Variants in EYS observed in about 807,000 individuals in gnomAD.
EYS encodes the protein EGF-like photoreceptor maintenance factor.
Under a neutral mutation model 282.1 loss-of-function variants are expected in EYS, and 250 were observed. The observed-to-expected ratio is 0.89, with a 90% confidence interval of 0.80 to 0.98. EYS has a LOEUF of 0.98. EYS is among the 50% of genes least tolerant of loss of function. The pLI, the probability that EYS is intolerant of heterozygous loss-of-function variation, is 0.00. For missense variants in EYS, 4,016 were observed against 3,709.0 expected (o/e 1.08, Z -2.15); for synonymous variants, 1,355 against 1,282.9 (o/e 1.06, Z -1.20).
chr6:64,819,699 G>T (rs1423549206), intron 21 of EYS, among the ~76,000 whole-genome samples: 1 of 151,812 alleles, frequency 6.6e-6, no homozygotes, highest in Non-Finnish European at 1.5e-5. Context: ...TCTTTGGAGA[G>T]CAGCAAAGCC....
intron 12 of EYS, among the ~76,000 whole-genome samples, chr6:65,248,787 T>C (rs1233453456): frequency 6.6e-6 from 1 of 152,046 alleles, no homozygotes; most frequent in Non-Finnish European, 1.5e-5. Flanking sequence ...AACTTCCATT[T>C]ATATGCATAT....
chr6:65,172,151 T>C (rs1765119486), intron 12 of EYS, among the ~76,000 whole-genome samples: 1 of 151,066 alleles, frequency 6.6e-6, no homozygotes, highest in South Asian at 2.1e-4. Flanking sequence ...ATATCACAAT[T>C]AAGTTGATAA....
At chr6:64,831,713 A>G (rs1765222598) in intron 19 of EYS, among the ~76,000 whole-genome samples, 1 of 151,988 alleles carries the variant, frequency 6.6e-6, no homozygotes, top group South Asian at 2.1e-4. Flanking sequence ...CTTTGTTACC[A>G]CAAGAATGCG....
At chr6:64,219,924 T>C (rs1009137178) in intron 31 of EYS, among the ~76,000 whole-genome samples, 2 of 152,004 alleles carry the variant, frequency 1.3e-5, no homozygotes, top group African/African-American at 4.8e-5. Flanking sequence ...AGCAAACTAC[T>C]GCAAGCACAA....
At chr6:65,255,193 A>T (rs1054999415) in intron 12 of EYS, among the ~76,000 whole-genome samples, 7 of 151,952 alleles carry the variant, frequency 4.6e-5, no homozygotes, top group African/African-American at 1.7e-4. Flanking sequence ...AGACCAATGG[A>T]ATAGAATAGA....
intron 41 of EYS, among the ~76,000 whole-genome samples, chr6:63,752,855 G>A (rs1769374350): frequency 6.6e-6 from 1 of 151,858 alleles, no homozygotes; most frequent in Admixed American, 6.6e-5. Context: ...TCAGTACCAG[G>A]ACGTAGTGCT....
rs778777050 is a variant in EYS, at chr6:64,205,844, C to CACAT, written c.6424+24747_6424+24748insATGT. On this transcript the variant is annotated intron_variant, in intron 31 of 42. Transcript: ENST00000503581. ...ACACACACACACACACACACACACACATATATATATATAGAGAGAGAGAGA... is the reference window on the plus strand; with the variant it reads ...ACACACACACACACACACACACACACACATATATATATATATAGAGAGAGAGAGA... Among the ~76,000 whole-genome samples the CACAT allele has an allele frequency of 9.4e-3, 1,307 of 138,372 alleles. 17 individuals are homozygous for CACAT. Among genetic ancestry groups the CACAT allele is most frequent in the African/African-American group, 0.03 (1,114 of 37,544 alleles). The allele number at this position is 138,372 out of a possible 152,430, so 90.8% of individuals were successfully genotyped here.
chr6:65,684,438 A>C (rs1392533989), intron 1 of EYS, among the ~76,000 whole-genome samples: 1 of 152,032 alleles, frequency 6.6e-6, no homozygotes, highest in Non-Finnish European at 1.5e-5. Flanking sequence ...GAATGTAGAG[A>C]GGACACCCGC....
At chr6:63,832,559 T>G (rs1771673735) in intron 36 of EYS, among the ~76,000 whole-genome samples, 1 of 152,004 alleles carries the variant, frequency 6.6e-6, no homozygotes, top group Non-Finnish European at 1.5e-5. Context: ...GGCTCTGAAA[T>G]AGAGGCAATA....
intron 29 of EYS, among the ~76,000 whole-genome samples, chr6:64,359,526 T>C (rs1361554591): frequency 6.6e-6 from 1 of 151,686 alleles, no homozygotes; most frequent in Non-Finnish European, 1.5e-5. Flanking sequence ...ACCACTTCAT[T>C]AGTCCTTATC....
rs1453148387 is a variant in EYS, at chr6:64,854,506, A to T, written c.2993-31684T>A. Among the ~76,000 whole-genome samples, 3 of 147,784 alleles carry T rather than the reference A, an allele frequency of 2.0e-5. No individual in the cohort carries two copies. In the East Asian group the frequency reaches 6.1e-4, roughly 30 times the overall value. On this transcript the variant is annotated intron_variant, in intron 19 of 42. Coordinates refer to ENST00000503581, the MANE Select transcript of EYS (RefSeq NM_001142800.2). ...CTATCACAAGGACAAAAAATAAAACACTGCATGTTCTCACTCATAGGTGGG... is the reference window on the plus strand; with the variant it reads ...CTATCACAAGGACAAAAAATAAAACTCTGCATGTTCTCACTCATAGGTGGG...
chr6:65,478,505 A>T (rs1765488010), intron 5 of EYS, among the ~76,000 whole-genome samples: 1 of 152,106 alleles, frequency 6.6e-6, no homozygotes, highest in South Asian at 2.1e-4. Context: ...CTTAAGAAAA[A>T]CACATGAAAG....
chr6:64,457,161 A>G (rs1171949135), intron 26 of EYS, among the ~76,000 whole-genome samples: 4 of 151,910 alleles, frequency 2.6e-5, no homozygotes, highest in Non-Finnish European at 5.9e-5. Flanking sequence ...ATTTGTATGT[A>G]TTTGTTAATT....
intron 12 of EYS, among the ~76,000 whole-genome samples, chr6:65,228,969 C>T (rs977484794): frequency 2.0e-5 from 3 of 151,846 alleles, no homozygotes; most frequent in Non-Finnish European, 4.4e-5. Context: ...AAAGAAAGAG[C>T]CAGTCTTAAT....
intron 28 of EYS, among the ~76,000 whole-genome samples, chr6:64,403,041 C>A (rs1389252556): frequency 1.3e-5 from 2 of 151,914 alleles, no homozygotes; most frequent in Non-Finnish European, 2.9e-5. Context: ...AAACAATACT[C>A]AATAATAAAA....
chr6:65,219,104 T>C (rs1426408864), intron 12 of EYS, among the ~76,000 whole-genome samples: 1 of 152,106 alleles, frequency 6.6e-6, no homozygotes, highest in Non-Finnish European at 1.5e-5. Flanking sequence ...TTGAAGCACA[T>C]AAAATATTTT....
intron 28 of EYS, among the ~76,000 whole-genome samples, chr6:64,421,859 G>GTA (rs58189202): frequency 0.069 from 8,565 of 123,542 alleles, 540 homozygotes; most frequent in African/African-American, 0.2. Context: ...TTTGTTTGGG[G>GTA]GGTGTGTGTG....
chr6:63,971,345 T>G, intron 35 of EYS, among the ~76,000 whole-genome samples: 1 of 152,306 alleles, frequency 6.6e-6, no homozygotes, highest in East Asian at 1.9e-4. Context: ...GTAATAGATG[T>G]TTAATACATA....
chr6:64,237,739 T>G (rs992900139), intron 30 of EYS, among the ~76,000 whole-genome samples: 1 of 152,228 alleles, frequency 6.6e-6, no homozygotes, highest in Non-Finnish European at 1.5e-5. Context: ...ATGTTGTTTT[T>G]AGTTTGATTA....
Sources: allele counts gnomAD v4.1 joint callset (sites outside exome capture counted in the v4.1 genomes callset), GRCh38; gene constraint gnomAD v4.1.1; transcripts MANE v1.5; gene names NCBI Gene and HGNC (gene_info 2026-07-23, HGNC 2026-07-21).